Variants in HMGCLL1 observed in about 807,000 individuals in gnomAD.
HMGCLL1 encodes 3-hydroxy-3-methylglutaryl-CoA lyase like 1.
In HMGCLL1, 36 loss-of-function variants were observed where a neutral mutation model predicts 39.1. That is an observed-to-expected ratio of 0.92 (90% CI 0.71 to 1.22). HMGCLL1 has a LOEUF of 1.22. HMGCLL1 is among the 50% of genes most tolerant of loss of function. The pLI, the probability that HMGCLL1 is intolerant of heterozygous loss-of-function variation, is 0.00. For synonymous variants in HMGCLL1, 149 were observed against 144.0 expected, an observed-to-expected ratio of 1.03 and a Z score of -0.25; for missense variants, 451 against 416.5, an observed-to-expected ratio of 1.08 and a Z score of -0.72.
At chr6:55,467,391 G>A (rs1222641600) in intron 7 of HMGCLL1, among the ~76,000 whole-genome samples, 1 of 151,966 alleles carries the variant, frequency 6.6e-6, no homozygotes, top group Non-Finnish European at 1.5e-5. Flanking sequence ...GTGGAAATAA[G>A]TTGCCATGCC....
At chr6:55,583,940 C>T (rs1772027536), upstream of HMGCLL1, among the ~76,000 whole-genome samples, 1 of 152,106 alleles carries the variant, frequency 6.6e-6, no homozygotes, top group East Asian at 1.9e-4. Context: ...AACCACAGAA[C>T]CAGGTGACCT....
In HMGCLL1 at chr6:55,563,832, G is replaced by A; in HGVS notation, c.108+15116C>T. 4.7e-6 allele frequency: 6 copies of A among 1,268,154 alleles called. No individual in the cohort carries two copies. In the South Asian group the frequency reaches 7.4e-5, roughly 16 times the overall value. The allele number at this position is 1,268,154 out of a possible 1,614,324, so 78.6% of individuals were successfully genotyped here. A position where few individuals can be genotyped will look rare whatever the true frequency, so the allele number is the denominator to read the frequency against. Reference sequence around the variant, plus strand: ...TCCTATTCTCACCTTTAGTAAAAGAGGGAGAGGTGCCCTCAAATATGATGG... The same window carrying A: ...TCCTATTCTCACCTTTAGTAAAAGAAGGAGAGGTGCCCTCAAATATGATGG... On this transcript the variant is annotated intron_variant, in intron 1 of 8. Coordinates refer to ENST00000274901, the MANE Select transcript of HMGCLL1 (RefSeq NM_001042406.2).
the HMGCLL1 span, among the ~76,000 whole-genome samples, chr6:55,599,196 G>A: frequency 5.8e-4 from 88 of 151,770 alleles, no homozygotes; most frequent in Non-Finnish European, 5.9e-4. Context: ...AAACCACCAT[G>A]GCATGTGTAT....
intron 3 of HMGCLL1, among the ~76,000 whole-genome samples, chr6:55,520,116 G>C (rs999216569): frequency 2.6e-5 from 3 of 117,516 alleles, no homozygotes; most frequent in Non-Finnish European, 3.5e-5. Context: ...GGGGCGGGGG[G>C]AGGGATAGCA....
rs115342215 is a variant in HMGCLL1, at chr6:55,481,119, G to A, written c.795+14300C>T. ...TTGCAGGCTGGGCACAGTGGCTCAC[G>A]CCTAGAATCTCAACAATTTGGAGGG... On this transcript the variant is annotated intron_variant, in intron 7 of 8. Transcript: ENST00000274901. Among the ~76,000 whole-genome samples the A allele has an allele frequency of 4.0e-4, 61 of 152,182 alleles. 1 individual carries two copies. The highest frequency in any genetic ancestry group is 1.4e-3 in the African/African-American group (57 of 41,530).
intron 7 of HMGCLL1, among the ~76,000 whole-genome samples, chr6:55,486,634 C>A (rs755942228): frequency 3.3e-4 from 50 of 152,164 alleles, no homozygotes; most frequent in Middle Eastern, 3.4e-3. Flanking sequence ...TCTCCCAAAC[C>A]TTTATCTTTT....
intron 2 of HMGCLL1, 35 bp downstream of exon 2, chr6:55,542,025 G>A (rs756362676): frequency 1.9e-5 from 24 of 1,282,896 alleles, no homozygotes; most frequent in Non-Finnish European, 2.4e-5. Context: ...TTATTAATTT[G>A]TAGACAGCAT....
chr6:55,501,607 C>T (rs1766896567), intron 5 of HMGCLL1, among the ~76,000 whole-genome samples: 2 of 151,880 alleles, frequency 1.3e-5, no homozygotes, highest in African/African-American at 2.4e-5. Flanking sequence ...CAATCTATTA[C>T]AGTGGTTCTC....
At chr6:55,659,682 G>A in the HMGCLL1 span, among the ~76,000 whole-genome samples, 1 of 151,776 alleles carries the variant, frequency 6.6e-6, no homozygotes, top group Non-Finnish European at 1.5e-5. Flanking sequence ...GTTTTTTGAT[G>A]TGTTCATTTA....
At chr6:55,575,857 C>A (rs750249399) in intron 1 of HMGCLL1, among the ~76,000 whole-genome samples, 6 of 152,170 alleles carry the variant, frequency 3.9e-5, no homozygotes, top group Non-Finnish European at 5.9e-5. Flanking sequence ...ATTCACTTAG[C>A]AAATATTTAT....
the HMGCLL1 span, among the ~76,000 whole-genome samples, chr6:55,641,076 C>T: frequency 1.3e-5 from 2 of 150,942 alleles, no homozygotes; most frequent in African/African-American, 4.9e-5. Context: ...GAGATTTTCA[C>T]AAGATATTAC....
the HMGCLL1 span, among the ~76,000 whole-genome samples, chr6:55,652,936 A>G: frequency 3.3e-3 from 497 of 152,198 alleles, 5 homozygotes; most frequent in Middle Eastern, 0.01. Context: ...TGTTGTTATT[A>G]TTAGCTCACC....
chr6:55,462,557 A>G (rs1561894703), intron 7 of HMGCLL1, among the ~76,000 whole-genome samples: 1 of 152,220 alleles, frequency 6.6e-6, no homozygotes, highest in Non-Finnish European at 1.5e-5. Context: ...GTTTCAAAAC[A>G]TAATCCATAT....
chr6:55,604,543 AAGTT>A, the HMGCLL1 span, among the ~76,000 whole-genome samples: 20 of 152,284 alleles, frequency 1.3e-4, no homozygotes, highest in African/African-American at 4.6e-4. Context: ...AAATTTTTGA[AAGTT>A]AGTATATTAT....
chr6:55,514,964 TG>T (rs1003623196), intron 4 of HMGCLL1, among the ~76,000 whole-genome samples: 6 of 152,056 alleles, frequency 3.9e-5, no homozygotes, highest in African/African-American at 9.6e-5. Context: ...CATTAACACA[TG>T]GGGGGGAGGT....
At chr6:55,445,806 T>C (rs1763803152) in intron 7 of HMGCLL1, among the ~76,000 whole-genome samples, 2 of 152,190 alleles carry the variant, frequency 1.3e-5, no homozygotes, top group South Asian at 4.1e-4. Context: ...CATTTTTAGA[T>C]GAGTAACCAC....
At chr6:55,609,246 C>T in the HMGCLL1 span, among the ~76,000 whole-genome samples, 1 of 152,168 alleles carries the variant, frequency 6.6e-6, no homozygotes, top group Non-Finnish European at 1.5e-5. Flanking sequence ...GGAGGGGTGG[C>T]AGCCATCACT....
At position 55,499,420 on chromosome 6, in the gene HMGCLL1, ATTATT is replaced by A. The variant is rs1766761974; in HGVS notation, c.543-126_543-122del. ...ATTTATTTTGCACTATTACTTTATTATTATTTTGTCATTGGACCAAACCAAATGAA... is the reference window on the plus strand; with the variant it reads ...ATTTATTTTGCACTATTACTTTATTATTGTCATTGGACCAAACCAAATGAA... On this transcript the variant is annotated intron_variant, in intron 5 of 8. Coordinates refer to ENST00000274901, the MANE Select transcript of HMGCLL1 (RefSeq NM_001042406.2). 4.5e-6 allele frequency: 3 copies of A among 660,542 alleles called. No homozygotes were observed. The South Asian group carries it at 9.5e-5, about 21-fold the overall frequency. 40.9% of individuals were successfully genotyped at this position (660,542 alleles called of 1,614,324 possible). A position where few individuals can be genotyped will look rare whatever the true frequency, so the allele number is the denominator to read the frequency against.
chr6:55,624,743 G>GT, the HMGCLL1 span, among the ~76,000 whole-genome samples: 1 of 152,140 alleles, frequency 6.6e-6, no homozygotes, highest in African/African-American at 2.4e-5. Context: ...GGGTCCAGTG[G>GT]TGTGGGGCCT....
Sources: gnomAD v4.1 joint callset for allele counts (sites outside exome capture counted in the v4.1 genomes callset) on GRCh38, gnomAD v4.1.1 for gene constraint, MANE v1.5 for transcripts, NCBI Gene and HGNC (gene_info 2026-07-23, HGNC 2026-07-21) for gene names.